The following CCDC149 variants were observed in gnomAD, a reference collection of about 807,000 sequenced individuals.
CCDC149 encodes the protein coiled-coil domain-containing protein 149.
A neutral mutation model predicts 59.9 loss-of-function variants in CCDC149; 45 were observed. The ratio of observed to expected loss-of-function variants is 0.75; its 90% CI spans 0.59 to 0.96. The LOEUF (loss-of-function observed/expected upper bound fraction) is 0.96. Among genes scored for constraint, CCDC149 ranks in the 40% least tolerant of loss-of-function variants. The pLI is 0.00. For missense variants in CCDC149, 584 were observed against 664.7 expected, an observed-to-expected ratio of 0.88 and a Z score of 1.33; for synonymous variants, 245 against 260.6, an observed-to-expected ratio of 0.94 and a Z score of 0.58.
At chr4:24,899,847 G>A (rs912274197) in intron 1 of CCDC149, among the ~76,000 whole-genome samples, 1 of 152,140 alleles carries the variant, frequency 6.6e-6, no homozygotes, top group Non-Finnish European at 1.5e-5. Context: ...GGCATTCGAG[G>A]TCTGCCTAAC....
chr4:24,919,661 G>T (rs1408451979), intron 1 of CCDC149, among the ~76,000 whole-genome samples: 1 of 152,146 alleles, frequency 6.6e-6, no homozygotes, highest in African/African-American at 2.4e-5. Flanking sequence ...CCCTCTCCAA[G>T]GTGAAGGAAG....
chr4:24,828,250 A>T (rs1226691292), intron 9 of CCDC149: 1 of 144,604 alleles, frequency 6.9e-6, no homozygotes, highest in Non-Finnish European at 1.5e-5. Flanking sequence ...AAACCTTTTT[A>T]AAAAATGAAT....
chr4:24,837,184 A>G lies in CCDC149; in HGVS notation c.662+44T>C. ...ACTCCCAGCCTGCAGGCCTGTGCAG[A>G]GCCAGCCTTCCTCCCACGCACAGGC... is the stretch of plus-strand genomic sequence containing the variant. On this transcript the variant is annotated intron_variant, in intron 6 of 12. Transcript: ENST00000635206. The surrounding 1 kb of genome is among the most constrained non-coding windows in gnomAD (Gnocchi z 4.3). 6.3e-7 allele frequency: 1 copy of G among 1,591,640 alleles called. No individual in the cohort carries two copies. The highest frequency in any genetic ancestry group is 8.6e-7 in the Non-Finnish European group (1 of 1,162,474).
chr4:24,829,941 A>G (rs1716026005), intron 9 of CCDC149: 1 of 152,488 alleles, frequency 6.6e-6, no homozygotes, highest in East Asian at 1.9e-4. Context: ...AGGCTTTGGG[A>G]GTTCAGGGCA....
intron 3 of CCDC149, among the ~76,000 whole-genome samples, chr4:24,861,636 T>TAA (rs59229079): frequency 0.029 from 4,400 of 150,270 alleles, 166 homozygotes; most frequent in African/African-American, 0.09. Flanking sequence ...CTACTGAAAT[T>TAA]AAAAAAAAAA....
intron 4 of CCDC149, among the ~76,000 whole-genome samples, chr4:24,847,782 C>T (rs1365848592): frequency 6.6e-6 from 1 of 152,192 alleles, no homozygotes; most frequent in East Asian, 1.9e-4. Flanking sequence ...TTGGGCTGCA[C>T]TACACTGCTC....
intron 8 of CCDC149, 108 bp from the exon 9 acceptor site, chr4:24,831,758 G>T: frequency 1.0e-6 from 1 of 997,358 alleles, no homozygotes; most frequent in Non-Finnish European, 1.5e-6. Flanking sequence ...GCTTCAAAAT[G>T]CTACTATGTT....
intron 12 of CCDC149, among the ~76,000 whole-genome samples, chr4:24,810,286 T>C (rs1416856395): frequency 6.6e-6 from 1 of 152,226 alleles, no homozygotes; most frequent in African/African-American, 2.4e-5. Context: ...TTCAAAAATA[T>C]TTAAAAAATA....
chr4:24,970,969 A>G (rs890449410), intron 1 of CCDC149, among the ~76,000 whole-genome samples: 1 of 152,168 alleles, frequency 6.6e-6, no homozygotes, highest in African/African-American at 2.4e-5. Flanking sequence ...TCATCCTGTT[A>G]TGGATGAGGT....
chr4:24,940,848 A>G (rs1332844663), intron 1 of CCDC149, among the ~76,000 whole-genome samples: 1 of 152,238 alleles, frequency 6.6e-6, no homozygotes, highest in Non-Finnish European at 1.5e-5. Flanking sequence ...AGAACTAACT[A>G]TCCTAAATAT....
chr4:24,902,014 A>G (rs1466738765), intron 1 of CCDC149, among the ~76,000 whole-genome samples: 4 of 152,226 alleles, frequency 2.6e-5, no homozygotes, highest in Non-Finnish European at 5.9e-5. Flanking sequence ...GGCAAAGTAC[A>G]GGGCTAAGTG....
intron 1 of CCDC149, among the ~76,000 whole-genome samples, chr4:24,905,414 CGTGTGTGT>C (rs1163234474): frequency 2.5e-5 from 2 of 78,652 alleles, no homozygotes; most frequent in South Asian, 4.8e-4. Flanking sequence ...TGCGTGCGTG[CGTGTGTGT>C]GTGTGTGTGT....
intron 10 of CCDC149, among the ~76,000 whole-genome samples, 185 bp from the exon 11 acceptor site, chr4:24,821,272 A>AT (rs376245251): frequency 6.2e-4 from 94 of 152,312 alleles, no homozygotes; most frequent in African/African-American, 2.1e-3. Context: ...TTGAGAAAAA[A>AT]AAAAATAAAA....
At chr4:24,814,544 C>T (rs1212200500) in intron 12 of CCDC149, among the ~76,000 whole-genome samples, 1 of 152,154 alleles carries the variant, frequency 6.6e-6, no homozygotes, top group African/African-American at 2.4e-5. Flanking sequence ...GCAGCATCAC[C>T]TGGGGACTTA....
intron 3 of CCDC149, among the ~76,000 whole-genome samples, chr4:24,859,030 A>ATAAG: frequency 6.6e-6 from 1 of 152,190 alleles, no homozygotes; most frequent in Non-Finnish European, 1.5e-5. Context: ...CATGTTTTTT[A>ATAAG]AACTTATAAG....
chr4:24,945,094 G>T (rs1723068624), intron 1 of CCDC149, among the ~76,000 whole-genome samples: 2 of 152,282 alleles, frequency 1.3e-5, no homozygotes, highest in Admixed American at 1.3e-4. Flanking sequence ...TGGGCTTATT[G>T]AATCACAGTT....
intron 1 of CCDC149, among the ~76,000 whole-genome samples, chr4:24,886,879 C>T (rs557756966): frequency 1.3e-5 from 2 of 152,032 alleles, no homozygotes; most frequent in Admixed American, 6.6e-5. Flanking sequence ...ATCAGTGACA[C>T]ACGAATGGAA....
At chr4:24,889,954 G>A (rs557128209) in intron 1 of CCDC149, among the ~76,000 whole-genome samples, 3 of 152,240 alleles carry the variant, frequency 2.0e-5, no homozygotes, top group African/African-American at 2.4e-5. Flanking sequence ...ACCTGTAATC[G>A]TGCTTCCACT....
intron 1 of CCDC149, among the ~76,000 whole-genome samples, chr4:24,909,747 A>C (rs1034314664): frequency 6.6e-6 from 1 of 152,100 alleles, no homozygotes; most frequent in African/African-American, 2.4e-5. Flanking sequence ...ATGGTTTTAT[A>C]AAGAGGAGTT....
Sources: allele counts gnomAD v4.1 joint callset (sites outside exome capture counted in the v4.1 genomes callset), GRCh38; gene constraint gnomAD v4.1.1; non-coding constraint Gnocchi (gnomAD v3.1); transcripts MANE v1.5; gene names NCBI Gene and HGNC (gene_info 2026-07-23, HGNC 2026-07-21).